The following COL24A1 variants were observed in gnomAD, a reference collection of about 807,000 sequenced individuals.
The protein encoded by COL24A1 is collagen type XXIV alpha 1 chain.
A neutral mutation model predicts 253.9 loss-of-function variants in COL24A1; 224 were observed. The observed-to-expected ratio is 0.88, with a 90% CI of 0.79 to 0.99. The LOEUF (loss-of-function observed/expected upper bound fraction) is 0.99, where lower values mean the gene tolerates loss of function less well. COL24A1 is among the 50% of genes least tolerant of loss of function. COL24A1 has a pLI of 0.00. For synonymous variants in COL24A1, 685 were observed against 673.7 expected (o/e 1.02, Z -0.26); for missense variants, 2,131 against 2,068.5 (o/e 1.03, Z -0.59).
intron 57 of COL24A1, among the ~76,000 whole-genome samples, chr1:85,742,260 T>C (rs1279920817): frequency 6.6e-6 from 1 of 151,672 alleles, no homozygotes; most frequent in East Asian, 1.9e-4. Context: ...GCCTCCTGAG[T>C]AGCTGGGACT....
intron 1 of COL24A1, among the ~76,000 whole-genome samples, chr1:86,152,637 G>T (rs1428356306): frequency 6.6e-6 from 1 of 152,102 alleles, no homozygotes; most frequent in African/African-American, 2.4e-5. Flanking sequence ...GCAGTGCAAG[G>T]GAGATAAATG....
chr1:85,890,412 CTT>C (rs35384514), intron 31 of COL24A1, among the ~76,000 whole-genome samples: 2 of 147,280 alleles, frequency 1.4e-5, no homozygotes, highest in Admixed American at 6.8e-5. Flanking sequence ...CACAAATTTT[CTT>C]TTTTTTTTTT....
At chr1:86,112,505 T>A (rs1455478186) in intron 5 of COL24A1, 62 bp downstream of exon 5, 4 of 1,448,338 alleles carry the variant, frequency 2.8e-6, no homozygotes, top group Middle Eastern at 1.8e-4. Flanking sequence ...GATCTTCTTT[T>A]TAATATCAGG....
chr1:85,856,007 G>GT (rs1424216277), intron 37 of COL24A1, among the ~76,000 whole-genome samples: 2 of 152,142 alleles, frequency 1.3e-5, no homozygotes, highest in Non-Finnish European at 2.9e-5. Context: ...GTCTCTGAGG[G>GT]TTTTTTGTAT....
chr1:85,971,988 ATGT>A (rs910024831), intron 20 of COL24A1, among the ~76,000 whole-genome samples: 3 of 152,328 alleles, frequency 2.0e-5, no homozygotes, highest in Admixed American at 6.5e-5. Flanking sequence ...AACAAAATAC[ATGT>A]TGTTAAAAAT....
chr1:85,850,224 C>T (rs1039341418), intron 37 of COL24A1, among the ~76,000 whole-genome samples: 5 of 152,048 alleles, frequency 3.3e-5, no homozygotes, highest in African/African-American at 9.7e-5. Context: ...AGCCAGGTTG[C>T]AAGTTCTAAA....
chr1:86,089,991 C>T (rs187095175), intron 6 of COL24A1, among the ~76,000 whole-genome samples: 2 of 152,264 alleles, frequency 1.3e-5, no homozygotes, highest in East Asian at 3.9e-4. Flanking sequence ...GCTAGGTTCA[C>T]GTGACGCACA....
chr1:85,757,431 C>T (rs1414284608), intron 55 of COL24A1, among the ~76,000 whole-genome samples: 1 of 152,040 alleles, frequency 6.6e-6, no homozygotes, highest in African/African-American at 2.4e-5. Context: ...TAGTTGGCAA[C>T]ACTATGATTT....
chr1:86,054,592 T>C (rs947114698), intron 10 of COL24A1, among the ~76,000 whole-genome samples: 1 of 152,098 alleles, frequency 6.6e-6, no homozygotes, highest in Non-Finnish European at 1.5e-5. Flanking sequence ...CACAAGGGGA[T>C]ACCATCTCAC....
chr1:85,786,502 T>TA, intron 47 of COL24A1, 41 bp from the exon 48 acceptor site: 3 of 1,580,094 alleles, frequency 1.9e-6, no homozygotes, highest in Non-Finnish European at 2.6e-6. Context: ...GGAAAGTTTC[T>TA]AAAAAGTCAG....
In COL24A1 at chr1:85,838,667, T is replaced by G. The variant is rs2102220768; in HGVS notation, c.3628-29A>C. 3 of 1,606,242 alleles carry G rather than the reference T, an allele frequency of 1.9e-6. No individual in the cohort carries two copies. The East Asian group carries it at 6.7e-5, about 36-fold the overall frequency. On this transcript the variant is annotated intron_variant, in intron 42 of 59. Transcript: ENST00000370571. ...CAGAGACCACACACAAAACAATCAGTTTTACAGCTGGATCAAAGTATATGC... is the reference window on the plus strand; with the variant it reads ...CAGAGACCACACACAAAACAATCAGGTTTACAGCTGGATCAAAGTATATGC...
intron 11 of COL24A1, among the ~76,000 whole-genome samples, chr1:86,047,192 T>C (rs1337490499): frequency 3.3e-5 from 5 of 152,034 alleles, no homozygotes; most frequent in African/African-American, 4.8e-5. Context: ...AACACGAAGG[T>C]CTTATTTTCC....
At chr1:85,916,377 C>T (rs1325938179) in intron 24 of COL24A1, among the ~76,000 whole-genome samples, 3 of 152,170 alleles carry the variant, frequency 2.0e-5, no homozygotes, top group Non-Finnish European at 4.4e-5. Flanking sequence ...TAGAGGTTCT[C>T]ACTAAAAAGT....
At chr1:86,094,423 A>G (rs1328307744) in intron 5 of COL24A1, among the ~76,000 whole-genome samples, 1 of 152,076 alleles carries the variant, frequency 6.6e-6, no homozygotes, top group Admixed American at 6.6e-5. Flanking sequence ...ATTCTCACTT[A>G]TAAGTGAGAG....
chr1:86,074,930 T>A (rs539482132), intron 7 of COL24A1, among the ~76,000 whole-genome samples: 2 of 151,472 alleles, frequency 1.3e-5, no homozygotes, highest in African/African-American at 4.8e-5. Flanking sequence ...TAGCACTAAA[T>A]GCTATAGGGA....
At chr1:85,779,705 C>A (rs1196542336) in intron 52 of COL24A1, among the ~76,000 whole-genome samples, 1 of 152,150 alleles carries the variant, frequency 6.6e-6, no homozygotes, top group Non-Finnish European at 1.5e-5. Context: ...TACTTAAGAT[C>A]AAATTCTGGG....
At chr1:86,060,902 A>C (rs555064406) in intron 8 of COL24A1, among the ~76,000 whole-genome samples, 36 of 151,944 alleles carry the variant, frequency 2.4e-4, no homozygotes, top group African/African-American at 7.2e-4. Context: ...ATATATTTAC[A>C]TAATATTTTA....
chr1:85,826,907 T>A (rs1387645388), intron 43 of COL24A1, among the ~76,000 whole-genome samples: 1 of 152,198 alleles, frequency 6.6e-6, no homozygotes, highest in African/African-American at 2.4e-5. Flanking sequence ...CCTAACTGAA[T>A]ACCCTTTATT....
chr1:85,854,807 G>A (rs994505323), intron 37 of COL24A1, among the ~76,000 whole-genome samples: 4 of 151,654 alleles, frequency 2.6e-5, no homozygotes, highest in South Asian at 2.1e-4. Flanking sequence ...GGGTTCAAGC[G>A]ATTCTCCCGC....
Sources: allele counts gnomAD v4.1 joint callset (sites outside exome capture counted in the v4.1 genomes callset), GRCh38; gene constraint gnomAD v4.1.1; transcripts MANE v1.5; gene names NCBI Gene and HGNC (gene_info 2026-07-23, HGNC 2026-07-21).